Variants in PDXK observed in about 807,000 individuals in gnomAD.
PDXK encodes pyridoxal kinase, also known as epididymis secretory sperm binding protein Li 1a.
Under a neutral mutation model 43.2 loss-of-function variants are expected in PDXK, and 15 were observed. The ratio of observed to expected loss-of-function variants is 0.35; its 90% CI spans 0.23 to 0.53. The LOEUF is 0.53. Among genes scored for constraint, PDXK ranks in the 20% least tolerant of loss-of-function variants. The pLI is 0.92. For synonymous variants in PDXK, 172 were observed against 165.4 expected (o/e 1.04, Z -0.31); for missense variants, 343 against 417.0 (o/e 0.82, Z 1.54).
intron 5 of PDXK, among the ~76,000 whole-genome samples, chr21:43,747,911 C>T (rs949947681): frequency 6.6e-6 from 1 of 152,196 alleles, no homozygotes; most frequent in African/African-American, 2.4e-5. Flanking sequence ...ATTTCCTGGT[C>T]CAGGGATCGG....
intron 1 of PDXK, among the ~76,000 whole-genome samples, chr21:43,730,689 C>G (rs941584293): frequency 6.6e-6 from 1 of 152,162 alleles, no homozygotes; most frequent in African/African-American, 2.4e-5. Context: ...TGCAGTGGCT[C>G]ATACCTGTAG....
At position 43,732,186 on chromosome 21, in the gene PDXK, G is replaced by A; in HGVS notation, c.88-1883G>A. The stretch of plus-strand genomic sequence containing the variant: ...ACCTCCTGGTGGTGCCTGGGAGGGA[G>A]CCACTGCTGTACAGAGATGCCAATT... On this transcript the variant is annotated intron_variant, in intron 1 of 10. Coordinates refer to ENST00000291565, the MANE Select transcript of PDXK (RefSeq NM_003681.5). This position sits in a 1 kb window ranked among gnomAD's most constrained non-coding sequence, Gnocchi z 4.1. 2 of 1,419,984 alleles carry A rather than the reference G, an allele frequency of 1.4e-6. No individual in the cohort carries two copies. Among genetic ancestry groups the A allele is most frequent in the Non-Finnish European group, 1.8e-6 (2 of 1,091,716 alleles). The allele number at this position is 1,419,984 out of a possible 1,614,324, so 88.0% of individuals were successfully genotyped here.
At chr21:43,719,586 C>T in intron 1 of PDXK, 1 of 983,178 alleles carries the variant, frequency 1.0e-6, no homozygotes, top group Non-Finnish European at 1.2e-6. Flanking sequence ...GCTCTGCGGG[C>T]CCCTGCGGGT....
chr21:43,753,448 G>A (rs911081096), intron 8 of PDXK, 135 bp from the exon 9 acceptor site: 11 of 788,250 alleles, frequency 1.4e-5, no homozygotes, highest in Non-Finnish European at 2.1e-5. Flanking sequence ...GAGCCCCCAC[G>A]TCCTGAGCAA....
At chr21:43,725,932 G>C (rs981431294) in intron 1 of PDXK, among the ~76,000 whole-genome samples, 1 of 152,128 alleles carries the variant, frequency 6.6e-6, no homozygotes, top group Non-Finnish European at 1.5e-5. Context: ...TGTTGGAGAC[G>C]CTTCTGAGTG....
At chr21:43,719,485 G>A (rs2147195443) in intron 1 of PDXK, 104 bp downstream of exon 1, 3 of 1,326,180 alleles carry the variant, frequency 2.3e-6, no homozygotes, top group East Asian at 3.2e-5. Context: ...CGGGAGCTGC[G>A]GGCAGAGCCT....
intron 1 of PDXK, among the ~76,000 whole-genome samples, chr21:43,720,310 A>C (rs2083196601): frequency 6.6e-6 from 1 of 152,144 alleles, no homozygotes; most frequent in African/African-American, 2.4e-5. Context: ...GGGAGCAGGT[A>C]TGCCTGGTCC....
At chr21:43,730,212 G>A (rs562438918) in intron 1 of PDXK, among the ~76,000 whole-genome samples, 6 of 152,070 alleles carry the variant, frequency 3.9e-5, no homozygotes, top group East Asian at 3.9e-4. Flanking sequence ...TGCAACCTCC[G>A]CCTCCCAGGT....
chr21:43,755,579 C>G, intron 9 of PDXK, 119 bp from the exon 10 acceptor site: 2 of 862,884 alleles, frequency 2.3e-6, no homozygotes, highest in Non-Finnish European at 3.9e-6. Context: ...GAGCCGGCTC[C>G]CCGGTGGCTC....
chr21:43,730,346 G>A (rs1042565217), intron 1 of PDXK, among the ~76,000 whole-genome samples: 3 of 152,078 alleles, frequency 2.0e-5, no homozygotes, highest in Admixed American at 6.5e-5. Context: ...GGCTGGTCTC[G>A]AACTCCTGAC....
intron 4 of PDXK, chr21:43,744,676 G>A (rs2147279825): frequency 6.6e-6 from 1 of 152,348 alleles, no homozygotes; most frequent in East Asian, 1.9e-4. Flanking sequence ...CTGGGAGTAT[G>A]AAAGGGTGCA....
In PDXK at chr21:43,739,558, C is replaced by G. The variant is rs548733229; in HGVS notation, c.143-2109C>G. Among the ~76,000 whole-genome samples, 33 of 147,832 alleles carry G rather than the reference C, an allele frequency of 2.2e-4. 2 individuals are homozygous for G. The highest frequency in any genetic ancestry group is 8.1e-4 in the Admixed American group (12 of 14,790). ...ACAAACACCTCCTTCACATTGGCGG[C>G]AGGAAGGAGAAGTGCAGACTGAGGG... On this transcript the variant is annotated intron_variant, in intron 2 of 10. Coordinates refer to ENST00000291565, the MANE Select transcript of PDXK (RefSeq NM_003681.5).
intron 4 of PDXK, chr21:43,745,848 CT>C: frequency 1.8e-6 from 1 of 565,950 alleles, no homozygotes; most frequent in African/African-American, 1.9e-5. Context: ...CATTTAAAAG[CT>C]AGCTGGGTGT....
chr21:43,733,958 C>A (rs376209652), intron 1 of PDXK, 111 bp from the exon 2 acceptor site: 1 of 1,089,348 alleles, frequency 9.2e-7, no homozygotes, highest in African/African-American at 1.5e-5. Flanking sequence ...CTGGGGGCCC[C>A]GTGCCAGCCG....
rs1275248282 is a variant in PDXK, at chr21:43,757,505, C to T, written c.*1442C>T. The T allele has an allele frequency of 6.6e-6, 1 of 152,252 alleles. No homozygotes were observed. The highest frequency in any genetic ancestry group is 6.5e-5 in the Admixed American group (1 of 15,284). The allele number at this position is 152,252 out of a possible 1,614,324, so 9.4% of individuals were successfully genotyped here. A position where few individuals can be genotyped will look rare whatever the true frequency, so the allele number is the denominator to read the frequency against. Reference sequence around the variant, plus strand: ...GGGCCCCTCCTGGAGCCCATACCCTCCTGTGAGGCCATTCCAGTGTCTTCT... The same window carrying T: ...GGGCCCCTCCTGGAGCCCATACCCTTCTGTGAGGCCATTCCAGTGTCTTCT... On this transcript the variant is annotated 3_prime_UTR_variant, in exon 11 of 11. Coordinates refer to ENST00000291565, the MANE Select transcript of PDXK (RefSeq NM_003681.5).
At position 43,761,483 on chromosome 21, in the gene PDXK, G is replaced by C. The variant is rs771506301; in HGVS notation, c.*5420G>C. 1 of 156,024 alleles carries C rather than the reference G, an allele frequency of 6.4e-6. No individual in the cohort carries two copies. The highest frequency in any genetic ancestry group is 1.4e-5 in the Non-Finnish European group (1 of 69,536). The allele number at this position is 156,024 out of a possible 1,614,324, so 9.7% of individuals were successfully genotyped here. ...GAATGCCGTCCTAAGCTTCTGCTTG[G>C]GGATCCCCCACACGACCTGGGTACT... On this transcript the variant is annotated 3_prime_UTR_variant, in exon 11 of 11. Transcript: ENST00000291565.
intron 1 of PDXK, chr21:43,728,824 G>T: frequency 1.0e-6 from 1 of 985,638 alleles, no homozygotes; most frequent in South Asian, 4.7e-5. Context: ...GGTCCAGCCG[G>T]ATGACTGATG....
chr21:43,748,444 G>A (rs1001519100), intron 5 of PDXK: 5 of 152,450 alleles, frequency 3.3e-5, no homozygotes, highest in Admixed American at 1.3e-4. Flanking sequence ...CCAAGACCAC[G>A]CCATTGCACT....
At chr21:43,751,421 C>T (rs1430011687) in intron 7 of PDXK, among the ~76,000 whole-genome samples, 5 of 152,148 alleles carry the variant, frequency 3.3e-5, no homozygotes, top group African/African-American at 1.2e-4. Flanking sequence ...TGGTGGTGCA[C>T]GCCTATAATC....
Sources: allele counts gnomAD v4.1 joint callset (sites outside exome capture counted in the v4.1 genomes callset), GRCh38; gene constraint gnomAD v4.1.1; non-coding constraint Gnocchi (gnomAD v3.1); transcripts MANE v1.5; gene names NCBI Gene and HGNC (gene_info 2026-07-23, HGNC 2026-07-21).